PDE4D: variants seen among roughly 807,000 people sequenced by gnomAD.
PDE4D encodes the protein phosphodiesterase 4D.
Under a neutral mutation model 87.4 loss-of-function variants are expected in PDE4D, and 24 were observed. The observed-to-expected ratio is 0.27, with a 90% CI of 0.20 to 0.39. PDE4D has a LOEUF of 0.39. Ranked by LOEUF, PDE4D falls within the 10% of genes least tolerant of loss-of-function variation. PDE4D has a pLI of 1.00. For missense variants in PDE4D, 714 were observed against 1,041.0 expected, an observed-to-expected ratio of 0.69 and a Z score of 4.32; for synonymous variants, 384 against 383.2, an observed-to-expected ratio of 1.00 and a Z score of -0.02.
chr5:60,123,371 C>T (rs898374450), intron 2 of PDE4D, among the ~76,000 whole-genome samples: 16 of 152,164 alleles, frequency 1.1e-4, no homozygotes, highest in African/African-American at 3.6e-4. Context: ...ACTTACACTT[C>T]CACATGGCTG....
chr5:59,450,102 T>C (rs968167109), intron 1 of PDE4D, among the ~76,000 whole-genome samples: 3 of 152,216 alleles, frequency 2.0e-5, no homozygotes, highest in Non-Finnish European at 4.4e-5. Context: ...TATTTTAAGA[T>C]AAAATGCTAA....
At chr5:60,478,195 C>T (rs1748468940) in intron 1 of PDE4D, among the ~76,000 whole-genome samples, 1 of 152,156 alleles carries the variant, frequency 6.6e-6, no homozygotes, top group African/African-American at 2.4e-5. Flanking sequence ...CAAAAGAATT[C>T]TGGATTTTCT....
chr5:60,146,439 C>A (rs772292211), intron 2 of PDE4D, among the ~76,000 whole-genome samples: 1 of 152,162 alleles, frequency 6.6e-6, no homozygotes, highest in East Asian at 1.9e-4. Context: ...GCTATTTACG[C>A]AAACATAATA....
chr5:60,292,769 G>C (rs905547869), intron 1 of PDE4D, among the ~76,000 whole-genome samples: 9 of 152,072 alleles, frequency 5.9e-5, no homozygotes, highest in African/African-American at 2.2e-4. Context: ...TGCAGAGACT[G>C]GTACTGTCAA....
At chr5:60,369,693 C>T (rs1760852024) in intron 1 of PDE4D, among the ~76,000 whole-genome samples, 1 of 152,118 alleles carries the variant, frequency 6.6e-6, no homozygotes, top group African/African-American at 2.4e-5. Context: ...GAGATTGAGG[C>T]TTGTCTGCTT....
rs555729935 is a variant in PDE4D at position 60,453,656 on chromosome 5, G to A, written c.-90+34286C>T. 3.0e-4 allele frequency among the ~76,000 whole-genome samples: 45 copies of A among 151,958 alleles called. 1 individual carries two copies. The highest frequency in any genetic ancestry group is 9.7e-4 in the African/African-American group (40 of 41,450). ...AGAAAAATCAAGAAGGATCAGCTTC[G>A]TTATTTTTTTTTTAATCACATTTTC... On this transcript the variant is annotated intron_variant, in intron 1 of 16. Coordinates refer to the PDE4D transcript ENST00000502484.
chr5:60,180,845 G>A (rs187432039), intron 2 of PDE4D, among the ~76,000 whole-genome samples: 1 of 152,138 alleles, frequency 6.6e-6, no homozygotes, highest in Admixed American at 6.5e-5. Flanking sequence ...AGCATCTCCC[G>A]TGACCTTCTT....
chr5:59,982,750 G>C (rs1330370905), intron 3 of PDE4D, among the ~76,000 whole-genome samples: 2 of 152,182 alleles, frequency 1.3e-5, no homozygotes, highest in Non-Finnish European at 2.9e-5. Flanking sequence ...GTAACTTTCT[G>C]AAACAGGAGC....
intron 1 of PDE4D, chr5:60,460,224 C>A: frequency 7.0e-7 from 1 of 1,418,758 alleles, no homozygotes; most frequent in Non-Finnish European, 9.9e-7. Context: ...TTCCAGATTT[C>A]CATTTCATTT....
Position 59,893,148 on chromosome 5 carries a change from A to T in PDE4D, c.455+20T>A. The T allele has an allele frequency of 6.5e-7, 1 of 1,545,390 alleles. No homozygotes were observed. Among genetic ancestry groups the T allele is most frequent in the Non-Finnish European group, 8.7e-7 (1 of 1,144,476 alleles). ...AGGTGACCCTTTGCCTGAATGGGGG[A>T]GGGGGCGCTCTCCACTCACCGCCTG... On this transcript the variant is annotated intron_variant, in intron 1 of 14. Coordinates refer to ENST00000340635, the MANE Select transcript of PDE4D (RefSeq NM_001104631.2).
At chr5:59,025,934 A>G (rs948178851) in intron 6 of PDE4D, among the ~76,000 whole-genome samples, 1 of 152,250 alleles carries the variant, frequency 6.6e-6, no homozygotes, top group African/African-American at 2.4e-5. Context: ...CAGTAATAAA[A>G]GCCAGAGGCT....
chr5:59,065,067 TACACACACACACACAC>T (rs10563874), intron 5 of PDE4D, among the ~76,000 whole-genome samples: 4,265 of 89,326 alleles, frequency 0.048, 339 homozygotes, highest in African/African-American at 0.11. Flanking sequence ...GATATATATA[TACACACACACACACAC>T]ACACACACAC....
chr5:59,500,418 T>C (rs1808091892), intron 1 of PDE4D, among the ~76,000 whole-genome samples: 2 of 152,086 alleles, frequency 1.3e-5, no homozygotes, highest in Admixed American at 6.6e-5. Context: ...GGAAATACTA[T>C]ACAGCCATAA....
intron 2 of PDE4D, among the ~76,000 whole-genome samples, chr5:60,050,276 G>T (rs569053139): frequency 1.3e-5 from 2 of 152,246 alleles, no homozygotes; most frequent in East Asian, 3.9e-4. Context: ...GCACTCCCTA[G>T]TGAGATGAAC....
intron 5 of PDE4D, chr5:59,157,267 A>G (rs1005882346): frequency 3.3e-5 from 23 of 701,448 alleles, no homozygotes; most frequent in Non-Finnish European, 6.0e-5. Context: ...AAGTGACTAA[A>G]CAGCTGTAGT....
intron 1 of PDE4D, among the ~76,000 whole-genome samples, chr5:59,856,190 CCTTT>C (rs1394426110): frequency 6.6e-6 from 1 of 152,050 alleles, no homozygotes; most frequent in Non-Finnish European, 1.5e-5. Context: ...TTTGCTATTG[CCTTT>C]ATTTATAGAA....
chr5:60,410,848 T>C (rs1741986574), intron 1 of PDE4D, among the ~76,000 whole-genome samples: 1 of 152,230 alleles, frequency 6.6e-6, no homozygotes, highest in Non-Finnish European at 1.5e-5. Context: ...GCCTCAGACA[T>C]TTATATTTAT....
chr5:60,130,580 C>T (rs1202203481), intron 2 of PDE4D, among the ~76,000 whole-genome samples: 1 of 152,130 alleles, frequency 6.6e-6, no homozygotes. Context: ...AAGTCATAGG[C>T]AGGATGGCAA....
chr5:59,101,922 A>G (rs1770796916), intron 5 of PDE4D, among the ~76,000 whole-genome samples: 1 of 151,974 alleles, frequency 6.6e-6, no homozygotes, highest in African/African-American at 2.4e-5. Context: ...CTTAAAATTC[A>G]CCTTATGTTT....
Sources: allele counts gnomAD v4.1 joint callset (sites outside exome capture counted in the v4.1 genomes callset), GRCh38; gene constraint gnomAD v4.1.1; transcripts MANE v1.5; gene names NCBI Gene and HGNC (gene_info 2026-07-23, HGNC 2026-07-21).